The following PMP22 variants were observed in gnomAD, a reference collection of about 807,000 sequenced individuals.
PMP22 encodes Charcot-Marie-Tooth neuropathy 1A (greatly reduced nerve conduction velocity, hereditary motor sensory neuropathy Ia).
Under a neutral mutation model 18.9 loss-of-function variants are expected in PMP22, and 2 were observed. That is an observed-to-expected ratio of 0.11 (90% CI 0.04 to 0.33). PMP22 has a LOEUF of 0.33. Ranked by LOEUF, PMP22 falls within the 10% of genes least tolerant of loss-of-function variation. PMP22 has a pLI of 1.00. For synonymous variants in PMP22, 95 were observed against 89.2 expected (o/e 1.07, Z -0.37); for missense variants, 169 against 202.2 (o/e 0.84, Z 1.00).
chr17:15,240,184 T>C (rs1907198308), intron 3 of PMP22, among the ~76,000 whole-genome samples: 1 of 152,200 alleles, frequency 6.6e-6, no homozygotes, highest in South Asian at 2.1e-4. Context: ...TTCCCTCTTC[T>C]TGCCCTCAGG....
At chr17:15,262,438 G>A (rs537267675) in intron 1 of PMP22, 1 of 152,246 alleles carries the variant, frequency 6.6e-6, no homozygotes, top group Non-Finnish European at 1.5e-5. Context: ...CAGCCCAAAG[G>A]AACAGCTGTC....
chr17:15,249,673 A>G (rs1337519485), intron 3 of PMP22, among the ~76,000 whole-genome samples: 1 of 152,212 alleles, frequency 6.6e-6, no homozygotes, highest in Admixed American at 6.5e-5. Flanking sequence ...AGCTGGGACC[A>G]GCACCAGAGA....
At chr17:15,257,185 C>T (rs1022997389) in intron 3 of PMP22, among the ~76,000 whole-genome samples, 1 of 152,202 alleles carries the variant, frequency 6.6e-6, no homozygotes, top group African/African-American at 2.4e-5. Context: ...AAGAAGTTTC[C>T]TGATTAAAAT....
chr17:15,260,343 GA>G (rs375490152), intron 2 of PMP22: 4,885 of 400,470 alleles, frequency 0.012, 91 homozygotes, highest in East Asian at 0.069. Flanking sequence ...GCTGCATCAA[GA>G]AAAAAAAAAG....
At chr17:15,245,445 C>A (rs1334021945) in intron 3 of PMP22, among the ~76,000 whole-genome samples, 1 of 152,200 alleles carries the variant, frequency 6.6e-6, no homozygotes, top group African/African-American at 2.4e-5. Context: ...GCTCTGTTGC[C>A]AAGTTCTTCT....
At chr17:15,237,999 GA>G (rs11345460) in intron 4 of PMP22, among the ~76,000 whole-genome samples, 3,392 of 142,152 alleles carry the variant, frequency 0.024, 127 homozygotes, top group African/African-American at 0.08. Context: ...AAACGAGTGA[GA>G]AAAAAAAAAA....
intron 3 of PMP22, among the ~76,000 whole-genome samples, chr17:15,246,410 G>A (rs190658447): frequency 6.6e-6 from 1 of 152,174 alleles, no homozygotes; most frequent in African/African-American, 2.4e-5. Context: ...GCTATTATCT[G>A]CCAAACTCTG....
At chr17:15,252,396 TTGC>T (rs111928632) in intron 3 of PMP22, among the ~76,000 whole-genome samples, 12,639 of 151,008 alleles carry the variant, frequency 0.084, 766 homozygotes, top group Non-Finnish European at 0.12. Flanking sequence ...GAGTTTGCTG[TTGC>T]TGCTGCTGCT....
chr17:15,231,207 T>C (rs966173223), intron 4 of PMP22, 127 bp from the exon 5 acceptor site: 5 of 926,514 alleles, frequency 5.4e-6, no homozygotes, highest in Non-Finnish European at 8.5e-6. Flanking sequence ...GAAATCTGCT[T>C]CCAGGTCCAG....
At chr17:15,248,838 C>CAT (rs1368651735) in intron 3 of PMP22, among the ~76,000 whole-genome samples, 2 of 152,124 alleles carry the variant, frequency 1.3e-5, no homozygotes, top group African/African-American at 4.8e-5. Flanking sequence ...TATCAGGAGA[C>CAT]TTGTTTTTGT....
Position 15,230,898 on chromosome 17 carries a change from G to T in PMP22, c.*19C>A. ...TTCCCTATGTACGCTCAGAGCCTCA[G>T]ACAGACCGTCTGGGCGCCTCATTCG... On this transcript the variant is annotated 3_prime_UTR_variant, in exon 5 of 5. Coordinates refer to ENST00000312280, the MANE Select transcript of PMP22 (RefSeq NM_000304.4). The T allele has an allele frequency of 6.2e-7, 1 of 1,613,216 alleles. No individual in the cohort carries two copies.
chr17:15,232,354 G>A (rs999511808), intron 4 of PMP22: 1 of 152,212 alleles, frequency 6.6e-6, no homozygotes, highest in Admixed American at 6.5e-5. Flanking sequence ...ACAGCATCCA[G>A]GACCTGCCAC....
chr17:15,259,938 C>CAAAAAAAAAA (rs61415317), intron 2 of PMP22, among the ~76,000 whole-genome samples: 2 of 97,828 alleles, frequency 2.0e-5, no homozygotes, highest in Non-Finnish European at 2.2e-5. Context: ...GACTCCATCT[C>CAAAAAAAAAA]AAAAAAAAAA....
At chr17:15,243,090 A>C (rs1907493356) in intron 3 of PMP22, among the ~76,000 whole-genome samples, 1 of 152,196 alleles carries the variant, frequency 6.6e-6, no homozygotes, top group Admixed American at 6.5e-5. Context: ...AATCCTTAAA[A>C]AGAGTGAACT....
At position 15,231,035 on chromosome 17, in the gene PMP22, G is replaced by C. The variant is rs768085434; in HGVS notation, c.365C>G (p.Pro122Arg). The change falls in exon 5 of 5, where the codon CCG (proline) becomes CGG (arginine). Residue 122 changes from proline (P) to arginine (R), a missense_variant. By Grantham distance (103) the Pro-to-Arg change is moderately radical (BLOSUM62 -2). Coordinates refer to ENST00000312280, the MANE Select transcript of PMP22 (RefSeq NM_000304.4). ...SAAAIYTVRH[P>R]EWHLNSDYSY... ...GTAATCCGAGTTGAGATGCCACTCC[G>C]GGTGCCTCACCGTGTAGATGGCCGC... The C allele has an allele frequency of 1.9e-6, 3 of 1,614,106 alleles. No individual in the cohort carries two copies. The highest frequency in any genetic ancestry group is 1.1e-5 in the South Asian group (1 of 91,082).
At chr17:15,232,133 C>A (rs192843632) in intron 4 of PMP22, among the ~76,000 whole-genome samples, 10 of 151,998 alleles carry the variant, frequency 6.6e-5, no homozygotes, top group African/African-American at 2.2e-4. Context: ...CCCGCGCCCC[C>A]CCACCGCCCG....
chr17:15,233,325 T>C (rs140156697), intron 4 of PMP22, among the ~76,000 whole-genome samples: 8 of 152,278 alleles, frequency 5.3e-5, no homozygotes, highest in African/African-American at 9.6e-5. Context: ...TCTGGGAGCA[T>C]AGGTCATCTT....
In PMP22 at chr17:15,233,861, G is replaced by A. The variant is rs118166835; in HGVS notation, c.320-2781C>T. Among the ~76,000 whole-genome samples, 719 of 152,330 alleles carry A rather than the reference G, an allele frequency of 4.7e-3. 2 individuals carry two copies. The highest frequency in any genetic ancestry group is 0.01 in the Middle Eastern group (3 of 294). On this transcript the variant is annotated intron_variant, in intron 4 of 4. Transcript: ENST00000312280. Reference sequence around the variant, plus strand: ...ACTGGAGAACTGGAGAAGCCACACGGACTCTCATATAATAGGCTGATTAGC... The same window carrying A: ...ACTGGAGAACTGGAGAAGCCACACGAACTCTCATATAATAGGCTGATTAGC...
At chr17:15,240,175 T>G (rs930347190) in intron 3 of PMP22, among the ~76,000 whole-genome samples, 3 of 152,166 alleles carry the variant, frequency 2.0e-5, no homozygotes, top group African/African-American at 7.2e-5. Flanking sequence ...CCTACTACCT[T>G]CCCTCTTCTT....
Sources: allele counts gnomAD v4.1 joint callset (sites outside exome capture counted in the v4.1 genomes callset), GRCh38; gene constraint gnomAD v4.1.1; transcripts MANE v1.5; gene names NCBI Gene and HGNC (gene_info 2026-07-23, HGNC 2026-07-21).